Variants in AK3 observed in about 807,000 individuals in gnomAD.
AK3 encodes adenylate kinase 3, also known as GTP:AMP phosphotransferase AK3, mitochondrial.
Under a neutral mutation model 23.7 loss-of-function variants are expected in AK3, and 27 were observed. That is an observed-to-expected ratio of 1.14 (90% CI 0.84 to 1.57). AK3 has a LOEUF of 1.57. AK3 is among the 40% of genes most tolerant of loss of function. AK3 has a pLI of 0.00. For missense variants in AK3, 406 were observed against 285.6 expected (o/e 1.42, Z -3.04); for synonymous variants, 159 against 116.0 (o/e 1.37, Z -2.38).
chr9:4,735,386 TATAA>T (rs1431039882), intron 1 of AK3, among the ~76,000 whole-genome samples: 2 of 86,622 alleles, frequency 2.3e-5, no homozygotes, highest in African/African-American at 8.1e-5. Flanking sequence ...TATATACATA[TATAA>T]ATATATATAC....
intron 4 of AK3, among the ~76,000 whole-genome samples, chr9:4,714,807 C>T (rs757890907): frequency 2.0e-5 from 3 of 152,142 alleles, no homozygotes; most frequent in African/African-American, 7.2e-5. Flanking sequence ...AAACAACCAA[C>T]AATACAACTG....
At chr9:4,721,636 T>G (rs138356371) in intron 2 of AK3, among the ~76,000 whole-genome samples, 3,108 of 152,100 alleles carry the variant, frequency 0.02, 106 homozygotes, top group African/African-American at 0.071. Flanking sequence ...TTTTTGTATT[T>G]TTAGTAGAGA....
In AK3 at chr9:4,718,483, C is replaced by A. The variant is rs1446555253; in HGVS notation, c.499G>T (p.Glu167Ter). ...PLIQREDDKP[E>*]TVIKRLKAYE... ...GCCTTTAGTCTCTTGATAACCGTCT[C>A]TGGTTTATCATCCTCACGCTGAATG... is the stretch of plus-strand genomic sequence containing the variant. The change falls in exon 4 of 5, where the codon GAG becomes TAG. Residue 167 changes from glutamate to a stop codon, truncating the protein, a stop_gained. Coordinates refer to ENST00000381809, the MANE Select transcript of AK3 (RefSeq NM_016282.4). LOFTEE classifies it high-confidence loss of function. 1 of 1,613,798 alleles carries A rather than the reference C, an allele frequency of 6.2e-7. No individual in the cohort carries two copies. Among genetic ancestry groups the A allele is most frequent in the Non-Finnish European group, 8.5e-7 (1 of 1,179,838 alleles).
chr9:4,722,223 C>T (rs1035294004), intron 2 of AK3, among the ~76,000 whole-genome samples: 1 of 152,216 alleles, frequency 6.6e-6, no homozygotes, highest in Non-Finnish European at 1.5e-5. Context: ...TTGGGTCTTG[C>T]TTCTTCTGTG....
chr9:4,712,171 A>C lies in AK3; in HGVS notation c.*805T>G, dbSNP rs1052084064. The C allele has an allele frequency of 1.5e-4, 23 of 152,150 alleles. No individual in the cohort carries two copies. Among genetic ancestry groups the C allele is most frequent in the African/African-American group, 4.6e-4 (19 of 41,434 alleles). The allele number at this position is 152,150 out of a possible 1,614,324, so 9.4% of individuals were successfully genotyped here. A position where few individuals can be genotyped will look rare whatever the true frequency, so the allele number is the denominator to read the frequency against. The stretch of plus-strand genomic sequence containing the variant: ...AAGTAGATCCTAAAACACATTTCTT[A>C]ACCTGAGTCATAACTGAAAACATAG... On this transcript the variant is annotated 3_prime_UTR_variant, in exon 5 of 5. Coordinates refer to ENST00000381809, the MANE Select transcript of AK3 (RefSeq NM_016282.4).
chr9:4,724,808 G>GA (rs1841985086), intron 1 of AK3, among the ~76,000 whole-genome samples: 1 of 151,024 alleles, frequency 6.6e-6, no homozygotes, highest in Non-Finnish European at 1.5e-5. Context: ...TCATAGAATT[G>GA]AAAGTCCAGA....
chr9:4,716,532 TA>T (rs1841729549), intron 4 of AK3, among the ~76,000 whole-genome samples: 1 of 152,210 alleles, frequency 6.6e-6, no homozygotes, highest in Admixed American at 6.5e-5. Context: ...AAAGAGACGG[TA>T]ATTTTCAGAA....
intron 2 of AK3, 85 bp downstream of exon 2, chr9:4,722,420 CG>C (rs1841922328): frequency 6.3e-7 from 1 of 1,583,452 alleles, no homozygotes; most frequent in African/African-American, 1.3e-5. Flanking sequence ...CCATCCTTGA[CG>C]TCTGTCTGAA....
intron 4 of AK3, among the ~76,000 whole-genome samples, chr9:4,717,946 A>C (rs1419935820): frequency 6.6e-6 from 1 of 152,220 alleles, no homozygotes; most frequent in Non-Finnish European, 1.5e-5. Flanking sequence ...TAGTCAGTGT[A>C]ATCAGTGGAA....
Position 4,741,083 on chromosome 9 carries a change from C to A in AK3, c.5G>T (p.Gly2Val). Residue 2 changes from glycine to valine, a missense_variant, in exon 1 of 5, where the codon GGG becomes GTG. Coordinates refer to ENST00000381809, the MANE Select transcript of AK3 (RefSeq NM_016282.4). ...CGCTCGCAGCAGCCGCGCGGACGCC[C>A]CCATGGCCGCAGACTGAGGCCCGCA... M[G>V]ASARLLRAVI... 6.5e-7 allele frequency: 1 copy of A among 1,538,094 alleles called. No individual in the cohort carries two copies. The highest frequency in any genetic ancestry group is 1.4e-5 in the African/African-American group (1 of 70,514).
chr9:4,719,479 G>T (rs913401029), intron 2 of AK3, among the ~76,000 whole-genome samples, 172 bp from the exon 3 acceptor site: 1 of 152,212 alleles, frequency 6.6e-6, no homozygotes, highest in African/African-American at 2.4e-5. Flanking sequence ...AACTGTGATG[G>T]TTACCTGTCA....
Position 4,712,993 on chromosome 9 carries a change from CT to C in AK3, c.666del (p.Ala223LeufsTer11). 1 of 1,613,480 alleles carries C rather than the reference CT, an allele frequency of 6.2e-7. No homozygotes were observed. Among genetic ancestry groups the C allele is most frequent in the Non-Finnish European group, 8.5e-7 (1 of 1,179,644 alleles). ...LQTKVPQRSQKASVTP is the reference protein window; with the variant it reads ...LQTKVPQRSQXASVTP ...ATTTCTCCTCATGGAGTAACTGAAG[CT>C]TTCTGGCTTCTTTGTGGAACTTTAG... On this transcript the variant is annotated frameshift_variant, in exon 5 of 5. Transcript: ENST00000381809. LOFTEE classifies it high-confidence loss of function.
rs1427352180 is a variant in AK3, at chr9:4,712,910, C to G, written c.*66G>C. On this transcript the variant is annotated 3_prime_UTR_variant, in exon 5 of 5. Transcript: ENST00000381809. ...TACATACTAGAAGTCTTAGGAAAAG[C>G]AGCTTCTAAATGCAAGGACTAGGAG... 19 of 1,532,352 alleles carry G rather than the reference C, an allele frequency of 1.2e-5. No individual in the cohort carries two copies. The highest frequency in any genetic ancestry group is 5.0e-5 in the South Asian group (4 of 80,560). The allele number at this position is 1,532,352 out of a possible 1,614,324, so 94.9% of individuals were successfully genotyped here. A position where few individuals can be genotyped will look rare whatever the true frequency, so the allele number is the denominator to read the frequency against.
At chr9:4,736,167 A>T (rs2130913278) in intron 1 of AK3, among the ~76,000 whole-genome samples, 1 of 152,118 alleles carries the variant, frequency 6.6e-6, no homozygotes, top group African/African-American at 2.4e-5. Context: ...CAACTCTGTG[A>T]ATATATTAAA....
At chr9:4,721,942 C>T (rs992298629) in intron 2 of AK3, among the ~76,000 whole-genome samples, 1 of 152,144 alleles carries the variant, frequency 6.6e-6, no homozygotes. Context: ...TGAGTGCACG[C>T]GTGCCTGTGT....
intron 1 of AK3, among the ~76,000 whole-genome samples, chr9:4,727,251 G>A (rs1269020757): frequency 3.9e-5 from 6 of 152,194 alleles, no homozygotes; most frequent in African/African-American, 1.4e-4. Flanking sequence ...GTCCTTTGAA[G>A]CTTTGAAGTC....
chr9:4,728,423 T>A (rs1842067082), intron 1 of AK3, among the ~76,000 whole-genome samples: 1 of 151,958 alleles, frequency 6.6e-6, no homozygotes, highest in African/African-American at 2.4e-5. Flanking sequence ...ATACAAAAAT[T>A]AGCTGGGTGT....
At chr9:4,715,529 G>A (rs1039219472) in intron 4 of AK3, among the ~76,000 whole-genome samples, 1 of 151,644 alleles carries the variant, frequency 6.6e-6, no homozygotes, top group Non-Finnish European at 1.5e-5. Flanking sequence ...CCAGTAGCTG[G>A]GACTATAGGC....
At position 4,712,943 on chromosome 9, in the gene AK3, C is replaced by T. The variant is rs371011526; in HGVS notation, c.*33G>A. On this transcript the variant is annotated 3_prime_UTR_variant, in exon 5 of 5. Coordinates refer to ENST00000381809, the MANE Select transcript of AK3 (RefSeq NM_016282.4). Reference sequence around the variant, plus strand: ...AAATGCAAGGACTAGGAGGTTTGCCCATCTTACTATTAATAGTTACACACA... The same window carrying T: ...AAATGCAAGGACTAGGAGGTTTGCCTATCTTACTATTAATAGTTACACACA... 15 of 1,603,082 alleles carry T rather than the reference C, an allele frequency of 9.4e-6. No homozygotes were observed. In the African/African-American group the frequency reaches 1.1e-4, roughly 11 times the overall value.
Sources: gnomAD v4.1 joint callset for allele counts (sites outside exome capture counted in the v4.1 genomes callset) on GRCh38, gnomAD v4.1.1 for gene constraint, MANE v1.5 for transcripts, NCBI Gene and HGNC (gene_info 2026-07-23, HGNC 2026-07-21) for gene names.